CALB1: variants seen among roughly 807,000 people sequenced by gnomAD.
The protein encoded by CALB1 is calbindin.
In CALB1, 16 loss-of-function variants were observed where a neutral mutation model predicts 46.7. The ratio of observed to expected loss-of-function variants is 0.34; its 90% confidence interval spans 0.23 to 0.52. CALB1 has a LOEUF of 0.52. CALB1 is among the 20% of genes least tolerant of loss of function. The pLI, the probability that CALB1 is intolerant of heterozygous loss-of-function variation, is 0.95. For synonymous variants in CALB1, 90 were observed against 112.8 expected (o/e 0.80, Z 1.28); for missense variants, 224 against 300.3 (o/e 0.75, Z 1.88).
At chr8:90,072,901 C>A (rs867816980) in intron 3 of CALB1, among the ~76,000 whole-genome samples, 4 of 152,134 alleles carry the variant, frequency 2.6e-5, no homozygotes, top group Middle Eastern at 3.4e-3. Flanking sequence ...TGAAGAATAT[C>A]AAGGGGATGA....
chr8:90,065,711 G>A (rs1586178876), intron 6 of CALB1, among the ~76,000 whole-genome samples, 187 bp downstream of exon 6: 2 of 151,822 alleles, frequency 1.3e-5, no homozygotes, highest in East Asian at 3.8e-4. Context: ...GCCAATGCCT[G>A]CAGAACTCAA....
At chr8:90,061,440 A>G (rs377712624) in intron 9 of CALB1, 132 of 152,304 alleles carry the variant, frequency 8.7e-4, no homozygotes, top group African/African-American at 2.8e-3. Context: ...GAGAAGTTAA[A>G]TTATCCCTGT....
At chr8:90,079,990 T>C (rs1814699271) in intron 2 of CALB1, among the ~76,000 whole-genome samples, 1 of 151,936 alleles carries the variant, frequency 6.6e-6, no homozygotes, top group Admixed American at 6.6e-5. Context: ...TTTAATGCAA[T>C]GAAGTTAGTA....
At chr8:90,081,995 C>CT (rs773300189) in intron 2 of CALB1, 31 bp downstream of exon 2, 65 of 1,582,778 alleles carry the variant, frequency 4.1e-5, no homozygotes, top group Admixed American at 7.0e-5. Context: ...GGTTAAAAGT[C>CT]TTTTTTTCTT....
intron 6 of CALB1, among the ~76,000 whole-genome samples, chr8:90,065,513 A>G (rs1206029195): frequency 1.3e-5 from 2 of 151,876 alleles, no homozygotes; most frequent in African/African-American, 4.8e-5. Flanking sequence ...AAATGGATTT[A>G]GGAACTCTAT....
intron 3 of CALB1, among the ~76,000 whole-genome samples, chr8:90,075,816 T>G (rs768514342): frequency 6.6e-6 from 1 of 152,064 alleles, no homozygotes; most frequent in Admixed American, 6.6e-5. Flanking sequence ...TATTCTCCAT[T>G]TCTCTTCTCT....
chr8:90,077,744 A>C (rs1436952178), intron 3 of CALB1, among the ~76,000 whole-genome samples: 1 of 152,066 alleles, frequency 6.6e-6, no homozygotes, highest in Non-Finnish European at 1.5e-5. Context: ...GTCACTGTGA[A>C]AGGATAAGAT....
chr8:90,064,067 T>C (rs1282615450), intron 6 of CALB1: 1 of 151,842 alleles, frequency 6.6e-6, no homozygotes, highest in Non-Finnish European at 1.5e-5. Flanking sequence ...TAGTAGCAAC[T>C]ATTGCTATAA....
intron 2 of CALB1, among the ~76,000 whole-genome samples, chr8:90,081,775 CCTT>C (rs1299275204): frequency 6.6e-6 from 1 of 151,690 alleles, no homozygotes; most frequent in Non-Finnish European, 1.5e-5. Context: ...TCCCTTTCTC[CCTT>C]CTTCCCTCCC....
At chr8:90,069,411 C>T (rs564037239) in intron 3 of CALB1, among the ~76,000 whole-genome samples, 174 bp from the exon 4 acceptor site, 10 of 152,234 alleles carry the variant, frequency 6.6e-5, no homozygotes, top group South Asian at 4.2e-4. Flanking sequence ...GGAGCGCTGT[C>T]GATTCTCCAA....
intron 5 of CALB1, among the ~76,000 whole-genome samples, chr8:90,066,844 T>A (rs985094983): frequency 2.6e-5 from 4 of 152,096 alleles, no homozygotes; most frequent in African/African-American, 9.7e-5. Context: ...AGAAAATGAA[T>A]TAATGCAATT....
chr8:90,081,962 A>T, intron 2 of CALB1, 64 bp downstream of exon 2: 1 of 1,430,540 alleles, frequency 7.0e-7, no homozygotes, highest in Non-Finnish European at 9.7e-7. Flanking sequence ...TTTTGTGAAA[A>T]CACAAGAATG....
intron 3 of CALB1, among the ~76,000 whole-genome samples, chr8:90,073,320 C>T (rs1455725622): frequency 1.3e-5 from 2 of 152,144 alleles, no homozygotes; most frequent in South Asian, 4.2e-4. Context: ...ACCTGTGAGG[C>T]CCCATTGAAG....
At chr8:90,066,482 A>T (rs969806550) in intron 5 of CALB1, among the ~76,000 whole-genome samples, 1 of 152,048 alleles carries the variant, frequency 6.6e-6, no homozygotes, top group Non-Finnish European at 1.5e-5. Context: ...AGCCAGCATG[A>T]TGCTTATTTC....
chr8:90,079,555 T>C (rs1814686969), intron 2 of CALB1, among the ~76,000 whole-genome samples: 2 of 151,950 alleles, frequency 1.3e-5, no homozygotes, highest in African/African-American at 4.8e-5. Flanking sequence ...CATCTTAACG[T>C]AAACAAAAAC....
chr8:90,075,729 C>A (rs563223077), intron 3 of CALB1, among the ~76,000 whole-genome samples: 6 of 152,160 alleles, frequency 3.9e-5, no homozygotes, highest in African/African-American at 1.2e-4. Flanking sequence ...CAGAATTTCT[C>A]TTTTCTTCAC....
At position 90,082,668 on chromosome 8, in the gene CALB1, G is replaced by A. The variant is rs1376633887; in HGVS notation, c.30C>T (p.Leu10=). The A allele has an allele frequency of 8.1e-6, 13 of 1,614,058 alleles. No homozygotes were observed. Among genetic ancestry groups the A allele is most frequent in the South Asian group, 1.1e-5 (1 of 91,090 alleles). The change falls in exon 1 of 11, where the codon CTC becomes CTT. Residue 10 remains leucine (L), a synonymous_variant. Transcript: ENST00000265431. ...TCTCGAAAAACTGTGAGGCTGTGAT[G>A]AGGGATGACTGCAGGTGGGATTCTG... MAESHLQSS[L]ITASQFFEIW...
intron 8 of CALB1, 24 bp from the exon 9 acceptor site, chr8:90,063,177 T>A: frequency 6.4e-7 from 1 of 1,567,318 alleles, no homozygotes; most frequent in Non-Finnish European, 8.8e-7. Flanking sequence ...AGAGAGTAAA[T>A]GTTAAAATGT....
intron 3 of CALB1, among the ~76,000 whole-genome samples, chr8:90,074,959 G>A (rs1814594082): frequency 1.3e-5 from 2 of 152,126 alleles, no homozygotes; most frequent in Admixed American, 1.3e-4. Context: ...ATTTTAATCA[G>A]CCTTCTTTGC....
Sources: allele counts gnomAD v4.1 joint callset (sites outside exome capture counted in the v4.1 genomes callset), GRCh38; gene constraint gnomAD v4.1.1; transcripts MANE v1.5; gene names NCBI Gene and HGNC (gene_info 2026-07-23, HGNC 2026-07-21).